The following IGFL2 variants were observed in gnomAD, a reference collection of about 807,000 sequenced individuals.
IGFL2 encodes the protein insulin growth factor-like family member 2.
A neutral mutation model predicts 13.9 loss-of-function variants in IGFL2; 7 were observed. That is an observed-to-expected ratio of 0.51 (90% CI 0.29 to 0.95). The LOEUF (loss-of-function observed/expected upper bound fraction) is 0.95, where lower values mean the gene tolerates loss of function less well. Ranked by LOEUF, IGFL2 falls within the 40% of genes least tolerant of loss-of-function variation. The pLI is 0.08. For synonymous variants in IGFL2, 55 were observed against 55.8 expected (o/e 0.99, Z 0.07); for missense variants, 138 against 147.8 (o/e 0.93, Z 0.34).
chr19:46,200,249 A>T, the IGFL2 span, among the ~76,000 whole-genome samples: 5 of 151,666 alleles, frequency 3.3e-5, no homozygotes, highest in African/African-American at 1.2e-4. Flanking sequence ...GCTCACTGAA[A>T]CTTCCACTTC....
chr19:46,135,200 T>G, the IGFL2 span, among the ~76,000 whole-genome samples: 1 of 152,274 alleles, frequency 6.6e-6, no homozygotes, highest in East Asian at 1.9e-4. Flanking sequence ...AAATGAATAT[T>G]GACTAACACT....
At chr19:46,111,709 A>G in the IGFL2 span, 2 of 152,234 alleles carry the variant, frequency 1.3e-5, no homozygotes, top group Admixed American at 6.5e-5. Context: ...GAGTAGCTCA[A>G]TAGGTATTGT....
At chr19:46,199,321 G>A in the IGFL2 span, among the ~76,000 whole-genome samples, 3 of 152,210 alleles carry the variant, frequency 2.0e-5, no homozygotes, top group Admixed American at 6.5e-5. Flanking sequence ...TCCTTTCACC[G>A]TGGGTAGAGG....
the IGFL2 span, among the ~76,000 whole-genome samples, chr19:46,100,737 G>C: frequency 6.6e-6 from 1 of 152,180 alleles, no homozygotes; most frequent in Admixed American, 6.5e-5. Context: ...AACTGAAAGT[G>C]GGAGGCAAGT....
At chr19:46,088,852 A>AAAAAC in the IGFL2 span, among the ~76,000 whole-genome samples, 1 of 152,212 alleles carries the variant, frequency 6.6e-6, no homozygotes, top group South Asian at 2.1e-4. Context: ...GAGAAGATTG[A>AAAAAC]AAAACAAAAC....
chr19:46,175,281 T>C, the IGFL2 span, among the ~76,000 whole-genome samples: 1 of 152,202 alleles, frequency 6.6e-6, no homozygotes, highest in Non-Finnish European at 1.5e-5. Context: ...TTACAGATAA[T>C]AAAATTGAAT....
At chr19:46,108,696 G>C in the IGFL2 span, among the ~76,000 whole-genome samples, 1 of 152,132 alleles carries the variant, frequency 6.6e-6, no homozygotes, top group African/African-American at 2.4e-5. Flanking sequence ...ATCAAGGCAG[G>C]CATCCCCGCA....
At chr19:46,211,978 C>G in the IGFL2 span, 1 of 152,160 alleles carries the variant, frequency 6.6e-6, no homozygotes, top group East Asian at 1.9e-4. Context: ...GGAATACACA[C>G]AGTTCCAATA....
chr19:46,153,124 G>GTTTTT (rs528929701), intron 1 of IGFL2, among the ~76,000 whole-genome samples: 87 of 152,132 alleles, frequency 5.7e-4, no homozygotes, highest in Non-Finnish European at 1.1e-3. Context: ...TTGGTCTGTA[G>GTTTTT]TTTTTTTTCC....
At chr19:46,121,661 T>G in the IGFL2 span, among the ~76,000 whole-genome samples, 4 of 150,990 alleles carry the variant, frequency 2.6e-5, no homozygotes, top group East Asian at 7.9e-4. Flanking sequence ...ACGTGAGTAG[T>G]AAAAAGAATT....
chr19:46,115,794 A>G, the IGFL2 span, among the ~76,000 whole-genome samples: 1 of 152,208 alleles, frequency 6.6e-6, no homozygotes, highest in Non-Finnish European at 1.5e-5. Context: ...ACAGGGATAA[A>G]TGAATGAGTA....
chr19:46,134,188 G>C, the IGFL2 span, among the ~76,000 whole-genome samples: 1 of 152,152 alleles, frequency 6.6e-6, no homozygotes, highest in South Asian at 2.1e-4. Context: ...CTGGAATCTT[G>C]GTTGTCTCCT....
chr19:46,101,857 A>G, the IGFL2 span, among the ~76,000 whole-genome samples: 4,898 of 152,256 alleles, frequency 0.032, 118 homozygotes, highest in East Asian at 0.072. Context: ...TTGCACATCC[A>G]TGAAAAAAGC....
rs549181068 is a variant in IGFL2 at position 46,156,104 on chromosome 19, A to G, written c.20-4311A>G. ...AGTGCTAGGATTACAGGTGTGAGCC[A>G]CCGTGCCCAACCATCACTTTCTGAT... On this transcript the variant is annotated intron_variant, in intron 1 of 3. Transcript: ENST00000377693. 1.4e-4 allele frequency among the ~76,000 whole-genome samples: 21 copies of G among 152,352 alleles called. No homozygotes were observed. The South Asian group carries it at 4.3e-3, about 32-fold the overall frequency.
At chr19:46,122,234 C>T in the IGFL2 span, among the ~76,000 whole-genome samples, 1 of 151,012 alleles carries the variant, frequency 6.6e-6, no homozygotes. Flanking sequence ...GTAGATCAGG[C>T]AGGCTATATA....
At chr19:46,183,537 CT>C in the IGFL2 span, among the ~76,000 whole-genome samples, 1,559 of 137,648 alleles carry the variant, frequency 0.011, 8 homozygotes, top group South Asian at 0.021. Context: ...TTTCTGCAGA[CT>C]TTTTTTTTTT....
chr19:46,184,492 C>T, the IGFL2 span, among the ~76,000 whole-genome samples: 728 of 152,170 alleles, frequency 4.8e-3, 5 homozygotes, highest in African/African-American at 0.016. Context: ...TTGTTCAACT[C>T]CCACTTATGA....
chr19:46,092,259 A>G, the IGFL2 span, among the ~76,000 whole-genome samples: 18 of 152,140 alleles, frequency 1.2e-4, no homozygotes, highest in African/African-American at 4.1e-4. Context: ...TCCTGGGCTC[A>G]AGCGATTCTT....
At position 46,161,274 on chromosome 19, in the gene IGFL2, T is replaced by C; in HGVS notation, c.*186T>C. On this transcript the variant is annotated 3_prime_UTR_variant, in exon 4 of 4. Coordinates refer to ENST00000377693, the MANE Select transcript of IGFL2 (RefSeq NM_001135113.2). ...GTAGATTATCAGGAAATAAATAAAG[T>C]GGTTTTTCCAATGTACACACCTGTA... 1 of 580,576 alleles carries C rather than the reference T, an allele frequency of 1.7e-6. No homozygotes were observed. The highest frequency in any genetic ancestry group is 3.1e-6 in the Non-Finnish European group (1 of 327,294). 36.0% of individuals were successfully genotyped at this position (580,576 alleles called of 1,614,324 possible).
Sources: gnomAD v4.1 joint callset for allele counts (sites outside exome capture counted in the v4.1 genomes callset) on GRCh38, gnomAD v4.1.1 for gene constraint, MANE v1.5 for transcripts, NCBI Gene and HGNC (gene_info 2026-07-23, HGNC 2026-07-21) for gene names.